NPAS3: variants seen among roughly 807,000 people sequenced by gnomAD.
NPAS3 encodes neuronal PAS domain protein 3.
Under a neutral mutation model 73.1 loss-of-function variants are expected in NPAS3, and 14 were observed. That is an observed-to-expected ratio of 0.19 (90% confidence interval 0.13 to 0.30). The LOEUF (loss-of-function observed/expected upper bound fraction) is 0.30. NPAS3 is among the 10% of genes least tolerant of loss of function. The pLI is 1.00. For missense variants in NPAS3, 1,096 were observed against 1,250.0 expected, an observed-to-expected ratio of 0.88 and a Z score of 1.86; for synonymous variants, 620 against 541.5, an observed-to-expected ratio of 1.14 and a Z score of -2.01.
At chr14:33,519,979 G>A (rs1307150485) in intron 4 of NPAS3, among the ~76,000 whole-genome samples, 2 of 152,040 alleles carry the variant, frequency 1.3e-5, no homozygotes, top group Non-Finnish European at 2.9e-5. Context: ...GGAGTGAGAG[G>A]TGAGGCCCAG....
intron 3 of NPAS3, among the ~76,000 whole-genome samples, chr14:33,330,132 A>T (rs2043915038): frequency 6.6e-6 from 1 of 151,992 alleles, no homozygotes; most frequent in South Asian, 2.1e-4. Flanking sequence ...AGTCCCAGCT[A>T]TTCGAGAGGC....
At chr14:33,670,000 C>T (rs949204662) in intron 5 of NPAS3, among the ~76,000 whole-genome samples, 6 of 152,116 alleles carry the variant, frequency 3.9e-5, no homozygotes, top group Non-Finnish European at 8.8e-5. Context: ...ACTGCAACCT[C>T]GGCCTCCCAG....
At chr14:33,258,013 T>C (rs2048839430) in intron 3 of NPAS3, among the ~76,000 whole-genome samples, 1 of 152,238 alleles carries the variant, frequency 6.6e-6, no homozygotes, top group South Asian at 2.1e-4. Flanking sequence ...AGGCTTATTT[T>C]GGCTGACACT....
chr14:33,405,981 A>G (rs192986478), intron 4 of NPAS3, among the ~76,000 whole-genome samples: 38 of 152,174 alleles, frequency 2.5e-4, no homozygotes, highest in Admixed American at 2.1e-3. Context: ...ATTTTTTTTT[A>G]AAAGGAACAA....
intron 4 of NPAS3, among the ~76,000 whole-genome samples, chr14:33,371,414 A>G (rs533663182): frequency 8.0e-4 from 122 of 152,302 alleles, no homozygotes; most frequent in Middle Eastern, 6.8e-3. Context: ...GTATGTTTAT[A>G]TGTCTGAGAT....
chr14:33,353,878 C>T (rs1466712239), intron 3 of NPAS3, among the ~76,000 whole-genome samples: 1 of 152,086 alleles, frequency 6.6e-6, no homozygotes, highest in Non-Finnish European at 1.5e-5. Flanking sequence ...AGGCAGCTTT[C>T]CCTATCCGAT....
rs369786681 is a variant in NPAS3 at position 33,333,332 on chromosome 14, G to T, written c.386-33854G>T. Reference sequence around the variant, plus strand: ...GCAGTTGCCCTGGAATTAGCAAACAGATGTTTAACATTTTCATGATACTTT... The same window carrying T: ...GCAGTTGCCCTGGAATTAGCAAACATATGTTTAACATTTTCATGATACTTT... On this transcript the variant is annotated intron_variant, in intron 3 of 11. Transcript: ENST00000356141. 9.9e-5 allele frequency among the ~76,000 whole-genome samples: 15 copies of T among 152,178 alleles called. 1 individual carries two copies. Among genetic ancestry groups the T allele is most frequent in the East Asian group, 7.7e-4 (4 of 5,202 alleles).
At chr14:33,791,167 G>T (rs775855225) in intron 9 of NPAS3, among the ~76,000 whole-genome samples, 1 of 152,098 alleles carries the variant, frequency 6.6e-6, no homozygotes, top group South Asian at 2.1e-4. Context: ...AGTCAAACTC[G>T]TCCTCTTCAG....
At chr14:33,578,409 G>A (rs2139861645) in intron 5 of NPAS3, 1 of 353,232 alleles carries the variant, frequency 2.8e-6, no homozygotes, top group African/African-American at 2.2e-5. Context: ...GGTCAGGGTG[G>A]TCTGGAACTC....
intron 2 of NPAS3, among the ~76,000 whole-genome samples, chr14:33,152,516 T>G (rs2044486328): frequency 6.6e-6 from 1 of 152,154 alleles, no homozygotes; most frequent in South Asian, 2.1e-4. Flanking sequence ...ACAGCGCACA[T>G]TCTCTGGTAG....
At chr14:32,964,960 A>C (rs138495240) in intron 1 of NPAS3, among the ~76,000 whole-genome samples, 1 of 152,236 alleles carries the variant, frequency 6.6e-6, no homozygotes, top group East Asian at 1.9e-4. Flanking sequence ...ACAGAGCAAG[A>C]CCCTGTCTCT....
chr14:33,161,931 T>A (rs1198017555), intron 2 of NPAS3, among the ~76,000 whole-genome samples: 1 of 152,182 alleles, frequency 6.6e-6, no homozygotes, highest in African/African-American at 2.4e-5. Context: ...CCATGAAGGC[T>A]GAGGAGCCAG....
At chr14:33,147,859 T>C (rs2044303045) in intron 2 of NPAS3, among the ~76,000 whole-genome samples, 1 of 151,242 alleles carries the variant, frequency 6.6e-6, no homozygotes, top group Non-Finnish European at 1.5e-5. Flanking sequence ...TTATAGCCAA[T>C]AAAAACTCAT....
chr14:33,547,043 G>A (rs539436359), intron 4 of NPAS3, among the ~76,000 whole-genome samples: 8 of 152,270 alleles, frequency 5.3e-5, no homozygotes, highest in Admixed American at 4.6e-4. Flanking sequence ...AGCAAGTATA[G>A]TTAACCTGTA....
intron 2 of NPAS3, among the ~76,000 whole-genome samples, chr14:33,181,481 T>C (rs1174367389): frequency 6.6e-6 from 1 of 152,226 alleles, no homozygotes; most frequent in Non-Finnish European, 1.5e-5. Context: ...TCCCATGTGA[T>C]AATTTACTGT....
chr14:33,324,555 C>T (rs1178429876), intron 3 of NPAS3, among the ~76,000 whole-genome samples: 4 of 152,014 alleles, frequency 2.6e-5, no homozygotes, highest in Non-Finnish European at 5.9e-5. Context: ...TTTATTACTG[C>T]GAAAATCTTT....
intron 1 of NPAS3, among the ~76,000 whole-genome samples, chr14:33,012,932 T>C (rs544999838): frequency 6.6e-6 from 1 of 152,284 alleles, no homozygotes; most frequent in East Asian, 1.9e-4. Flanking sequence ...GATTTGTTGA[T>C]TAGTATCATG....
At chr14:33,221,135 T>C (rs949951872) in intron 3 of NPAS3, among the ~76,000 whole-genome samples, 3 of 152,172 alleles carry the variant, frequency 2.0e-5, no homozygotes, top group African/African-American at 7.2e-5. Context: ...CTCTGTCCCA[T>C]GTTAGAAGGC....
In NPAS3 at chr14:33,540,129, T is replaced by A. The variant is rs541991663; in HGVS notation, c.469-19992T>A. Among the ~76,000 whole-genome samples the A allele has an allele frequency of 7.5e-4, 115 of 152,344 alleles. 5 individuals carry two copies. In the South Asian group the frequency reaches 0.023, roughly 31 times the overall value. Reference sequence around the variant, plus strand: ...TCAATGTGAACATTCCCTTGTTCTATGTTTAGCTTGAATAATTACCAAACT... The same window carrying A: ...TCAATGTGAACATTCCCTTGTTCTAAGTTTAGCTTGAATAATTACCAAACT... On this transcript the variant is annotated intron_variant, in intron 4 of 11. Coordinates refer to ENST00000356141, the Ensembl canonical transcript of NPAS3.
Sources: allele counts gnomAD v4.1 joint callset (sites outside exome capture counted in the v4.1 genomes callset), GRCh38; gene constraint gnomAD v4.1.1; transcripts MANE v1.5; gene names NCBI Gene and HGNC (gene_info 2026-07-23, HGNC 2026-07-21).